Variants in PRKG1 observed in about 807,000 individuals in gnomAD.
PRKG1 encodes the protein protein kinase cGMP-dependent 1, also known as cGMP-dependent protein kinase 1.
PRKG1 carries 35 observed loss-of-function variants against 88.1 expected under a neutral mutation model. That is an observed-to-expected ratio of 0.40 (90% CI 0.30 to 0.53). The LOEUF (loss-of-function observed/expected upper bound fraction) is 0.53, where lower values mean the gene tolerates loss of function less well. Ranked by LOEUF, PRKG1 falls within the 20% of genes least tolerant of loss-of-function variation. The pLI is 0.59. For synonymous variants in PRKG1, 303 were observed against 292.5 expected, an observed-to-expected ratio of 1.04 and a Z score of -0.37; for missense variants, 540 against 839.8, an observed-to-expected ratio of 0.64 and a Z score of 4.41.
intron 3 of PRKG1, among the ~76,000 whole-genome samples, chr10:51,735,395 A>G (rs1402860186): frequency 2.6e-5 from 4 of 152,226 alleles, no homozygotes; most frequent in Admixed American, 6.5e-5. Context: ...TTCTATGCCA[A>G]TTAGTTTTGC....
chr10:51,310,226 G>A (rs1841148280), intron 2 of PRKG1, among the ~76,000 whole-genome samples: 1 of 152,110 alleles, frequency 6.6e-6, no homozygotes, highest in Non-Finnish European at 1.5e-5. Context: ...AATTATACTT[G>A]TACTTCTTAA....
At chr10:51,840,975 T>C (rs1273542749) in intron 4 of PRKG1, among the ~76,000 whole-genome samples, 1 of 152,220 alleles carries the variant, frequency 6.6e-6, no homozygotes, top group East Asian at 1.9e-4. Flanking sequence ...GGAATACAGG[T>C]TATGAATCCC....
chr10:51,992,751 A>G (rs1401594517), intron 5 of PRKG1, among the ~76,000 whole-genome samples: 1 of 152,234 alleles, frequency 6.6e-6, no homozygotes, highest in African/African-American at 2.4e-5. Context: ...ATATGTGTGC[A>G]TGCAAATATA....
In PRKG1 at chr10:51,804,488, T is replaced by C. The variant is rs1839254454; in HGVS notation, c.593-97T>C. 5 of 772,592 alleles carry C rather than the reference T, an allele frequency of 6.5e-6. No homozygotes were observed. In the South Asian group the frequency reaches 8.3e-5, roughly 13 times the overall value. 47.9% of individuals were successfully genotyped at this position (772,592 alleles called of 1,614,324 possible). A position where few individuals can be genotyped will look rare whatever the true frequency, so the allele number is the denominator to read the frequency against. On this transcript the variant is annotated intron_variant, in intron 3 of 17. Coordinates refer to ENST00000373980, the MANE Select transcript of PRKG1 (RefSeq NM_006258.4). ...TGTAAAAAGTCAATCATTTTCATGATTCTCATGAATAGCTCATCTCCTTTG... is the reference window on the plus strand; with the variant it reads ...TGTAAAAAGTCAATCATTTTCATGACTCTCATGAATAGCTCATCTCCTTTG...
intron 9 of PRKG1, among the ~76,000 whole-genome samples, chr10:52,222,863 C>G (rs1370454654): frequency 6.6e-6 from 1 of 152,180 alleles, no homozygotes; most frequent in Non-Finnish European, 1.5e-5. Flanking sequence ...CCAACTTTGC[C>G]TTACCTTTAT....
chr10:51,050,763 G>GT (rs934631637), intron 1 of PRKG1, among the ~76,000 whole-genome samples: 2 of 151,880 alleles, frequency 1.3e-5, no homozygotes, highest in African/African-American at 4.8e-5. Flanking sequence ...GGCTGCACCA[G>GT]TTTACATTTC....
chr10:51,597,746 G>A (rs1838491498), intron 3 of PRKG1, among the ~76,000 whole-genome samples: 1 of 152,126 alleles, frequency 6.6e-6, no homozygotes, highest in Non-Finnish European at 1.5e-5. Flanking sequence ...ATAGAAGTGT[G>A]AGAATTGTAC....
intron 3 of PRKG1, among the ~76,000 whole-genome samples, chr10:51,557,018 C>T (rs1837330740): frequency 6.6e-6 from 1 of 151,906 alleles, no homozygotes; most frequent in African/African-American, 2.4e-5. Context: ...TTTCTTTTGA[C>T]TCTTCTTTTT....
At chr10:51,042,541 A>G (rs969105605) in intron 1 of PRKG1, among the ~76,000 whole-genome samples, 1 of 152,218 alleles carries the variant, frequency 6.6e-6, no homozygotes, top group East Asian at 1.9e-4. Flanking sequence ...TTTTAAATTA[A>G]TAAACAGAGA....
intron 2 of PRKG1, among the ~76,000 whole-genome samples, chr10:51,345,668 ATAGCC>A (rs1345704888): frequency 5.9e-5 from 9 of 152,346 alleles, no homozygotes; most frequent in Admixed American, 5.2e-4. Context: ...AGGAAGGGAA[ATAGCC>A]TTATCCTTGA....
In PRKG1 at chr10:51,032,448, T is replaced by A. The variant is rs78902002; in HGVS notation, c.266+40804T>A. ...ACAGACAATGAAGATAATGCATGTG[T>A]TCAATGTAATATACAAATATTATTT... is the stretch of plus-strand genomic sequence containing the variant. On this transcript the variant is annotated intron_variant, in intron 1 of 17. Coordinates refer to the PRKG1 transcript ENST00000401604. Among the ~76,000 whole-genome samples, 1,096 of 152,214 alleles carry A rather than the reference T, an allele frequency of 7.2e-3. 16 individuals are homozygous for A. Among genetic ancestry groups the A allele is most frequent in the African/African-American group, 0.025 (1,059 of 41,548 alleles).
At chr10:52,121,038 T>G (rs1395705625) in intron 7 of PRKG1, among the ~76,000 whole-genome samples, 2 of 152,152 alleles carry the variant, frequency 1.3e-5, no homozygotes, top group Non-Finnish European at 2.9e-5. Flanking sequence ...GCCCACTGCT[T>G]TTGCCCTCCA....
At chr10:51,053,322 T>C (rs982888976) in intron 1 of PRKG1, among the ~76,000 whole-genome samples, 3 of 152,108 alleles carry the variant, frequency 2.0e-5, no homozygotes, top group African/African-American at 7.2e-5. Flanking sequence ...CATATAATAG[T>C]AGAGGTGTGG....
At chr10:51,709,400 C>T (rs909337813) in intron 3 of PRKG1, among the ~76,000 whole-genome samples, 1 of 152,296 alleles carries the variant, frequency 6.6e-6, no homozygotes, top group East Asian at 1.9e-4. Flanking sequence ...TATCATCTGA[C>T]ATTTATGCTG....
chr10:51,669,934 T>C (rs113678035), intron 3 of PRKG1, among the ~76,000 whole-genome samples: 171 of 152,318 alleles, frequency 1.1e-3, no homozygotes, highest in African/African-American at 3.8e-3. Flanking sequence ...ATATTTTCCT[T>C]ACTTGATCTA....
chr10:51,598,049 C>A (rs1317513268), intron 3 of PRKG1, among the ~76,000 whole-genome samples: 1 of 152,168 alleles, frequency 6.6e-6, no homozygotes, highest in Non-Finnish European at 1.5e-5. Flanking sequence ...TCTAAAAAAA[C>A]TAAGTAGCTG....
intron 7 of PRKG1, among the ~76,000 whole-genome samples, chr10:52,063,766 C>T (rs967491517): frequency 2.0e-4 from 30 of 151,916 alleles, no homozygotes; most frequent in Admixed American, 1.8e-3. Context: ...GTAGGCAGGT[C>T]GTCCCAATGA....
intron 8 of PRKG1, among the ~76,000 whole-genome samples, chr10:52,159,528 T>C (rs1838224111): frequency 6.6e-6 from 1 of 151,722 alleles, no homozygotes. Context: ...TAAAACTCCA[T>C]CTAGCATAAC....
chr10:51,314,542 C>T (rs1193236177), intron 2 of PRKG1, among the ~76,000 whole-genome samples: 5 of 152,150 alleles, frequency 3.3e-5, no homozygotes. Context: ...TGATGAAATA[C>T]ACATCAGATC....
Sources: allele counts gnomAD v4.1 joint callset (sites outside exome capture counted in the v4.1 genomes callset), GRCh38; gene constraint gnomAD v4.1.1; transcripts MANE v1.5; gene names NCBI Gene and HGNC (gene_info 2026-07-23, HGNC 2026-07-21).